KLHL1: variants seen among roughly 807,000 people sequenced by gnomAD.
KLHL1 encodes kelch-like protein 1.
KLHL1 carries 47 observed loss-of-function variants against 77.7 expected under a neutral mutation model. The observed-to-expected ratio is 0.60, with a 90% CI of 0.48 to 0.77. The LOEUF (loss-of-function observed/expected upper bound fraction) is 0.77, where lower values mean the gene tolerates loss of function less well. KLHL1 is among the 30% of genes least tolerant of loss of function. The pLI is 0.00. For synonymous variants in KLHL1, 360 were observed against 325.2 expected (o/e 1.11, Z -1.15); for missense variants, 925 against 910.8 (o/e 1.02, Z -0.20).
At chr13:69,962,486 T>C (rs1884094320) in intron 2 of KLHL1, among the ~76,000 whole-genome samples, 1 of 152,084 alleles carries the variant, frequency 6.6e-6, no homozygotes, top group South Asian at 2.1e-4. Flanking sequence ...ACAGTTCCTC[T>C]GTCACAGAGG....
At chr13:69,955,084 C>T (rs1883826691) in intron 3 of KLHL1, among the ~76,000 whole-genome samples, 1 of 150,916 alleles carries the variant, frequency 6.6e-6, no homozygotes, top group South Asian at 2.1e-4. Context: ...TAGTAAAAGC[C>T]TTAAGTTTAA....
chr13:69,797,534 A>C (rs943360058), intron 6 of KLHL1, among the ~76,000 whole-genome samples: 8 of 152,210 alleles, frequency 5.3e-5, no homozygotes, highest in African/African-American at 1.7e-4. Context: ...GGAAGAGCTT[A>C]GGCCAGGCGC....
intron 1 of KLHL1, among the ~76,000 whole-genome samples, chr13:70,009,672 C>T (rs1885484514): frequency 6.6e-6 from 1 of 152,088 alleles, no homozygotes; most frequent in Admixed American, 6.6e-5. Flanking sequence ...CAACCTGTCT[C>T]CATGTGAGCT....
intron 4 of KLHL1, among the ~76,000 whole-genome samples, chr13:69,930,709 TAGTA>T (rs1402220824): frequency 1.3e-5 from 2 of 151,700 alleles, no homozygotes; most frequent in African/African-American, 4.8e-5. Flanking sequence ...ATGTGAAAGT[TAGTA>T]GGATAATGAT....
intron 6 of KLHL1, among the ~76,000 whole-genome samples, chr13:69,818,605 A>T (rs1385902807): frequency 6.6e-6 from 1 of 152,098 alleles, no homozygotes; most frequent in East Asian, 1.9e-4. Flanking sequence ...TTGGGGAAGT[A>T]TGGTTCTCCT....
intron 4 of KLHL1, among the ~76,000 whole-genome samples, chr13:69,922,829 G>T (rs146628512): frequency 8.0e-4 from 122 of 152,058 alleles, no homozygotes; most frequent in African/African-American, 2.9e-3. Context: ...TAGTTAAAAA[G>T]GTCTATTCCT....
At chr13:69,757,729 A>G (rs1449586993) in intron 7 of KLHL1, among the ~76,000 whole-genome samples, 2 of 152,132 alleles carry the variant, frequency 1.3e-5, no homozygotes, top group African/African-American at 4.8e-5. Flanking sequence ...AGGCCAGAGG[A>G]TCACCTGAGG....
chr13:70,104,694 T>C (rs1027380656), intron 1 of KLHL1, among the ~76,000 whole-genome samples: 1 of 152,136 alleles, frequency 6.6e-6, no homozygotes, highest in Non-Finnish European at 1.5e-5. Context: ...GGTGATATGA[T>C]AATGACCTAA....
chr13:69,783,738 C>A (rs1437785114), intron 7 of KLHL1, among the ~76,000 whole-genome samples: 1 of 130,746 alleles, frequency 7.6e-6, no homozygotes, highest in Non-Finnish European at 1.7e-5. Context: ...ACAATGGAAC[C>A]AAGTTGGAAA....
intron 7 of KLHL1, among the ~76,000 whole-genome samples, chr13:69,756,849 T>C (rs969982580): frequency 6.6e-6 from 1 of 152,162 alleles, no homozygotes; most frequent in Non-Finnish European, 1.5e-5. Flanking sequence ...AGTTAGTTAA[T>C]AAACCCCCTT....
intron 1 of KLHL1, among the ~76,000 whole-genome samples, chr13:70,080,027 G>T (rs914953185): frequency 6.6e-6 from 1 of 152,206 alleles, no homozygotes; most frequent in Non-Finnish European, 1.5e-5. Flanking sequence ...GGTAAAAGAA[G>T]GGATTTGTGG....
At chr13:69,983,464 G>T (rs983518806) in intron 1 of KLHL1, among the ~76,000 whole-genome samples, 2 of 151,654 alleles carry the variant, frequency 1.3e-5, no homozygotes, top group South Asian at 2.1e-4. Flanking sequence ...TACTGTGCTC[G>T]GTGCGGTGGT....
chr13:70,041,088 T>C (rs1387656415), intron 1 of KLHL1, among the ~76,000 whole-genome samples: 2 of 152,192 alleles, frequency 1.3e-5, no homozygotes, highest in Non-Finnish European at 2.9e-5. Flanking sequence ...TAATTTCTCT[T>C]TGGTTCTTCA....
intron 2 of KLHL1, among the ~76,000 whole-genome samples, chr13:69,971,728 T>C (rs750125917): frequency 6.6e-5 from 10 of 152,074 alleles, no homozygotes; most frequent in Non-Finnish European, 1.2e-4. Flanking sequence ...TATTTGCAAC[T>C]ATAATAATTT....
At chr13:70,042,103 G>C (rs897219750) in intron 1 of KLHL1, among the ~76,000 whole-genome samples, 2 of 151,910 alleles carry the variant, frequency 1.3e-5, no homozygotes, top group African/African-American at 4.8e-5. Flanking sequence ...ACTTCTTGTT[G>C]GCATTTCTAT....
At chr13:69,973,688 C>G (rs985035335) in intron 2 of KLHL1, among the ~76,000 whole-genome samples, 2 of 151,948 alleles carry the variant, frequency 1.3e-5, no homozygotes, top group Admixed American at 6.6e-5. Context: ...AAAGTAGTAT[C>G]AAATACCTGC....
chr13:69,909,255 A>G (rs1190793707), intron 4 of KLHL1, among the ~76,000 whole-genome samples: 2 of 151,894 alleles, frequency 1.3e-5, no homozygotes, highest in African/African-American at 4.8e-5. Flanking sequence ...CCTCTACTTT[A>G]TGGCAAAGCT....
chr13:69,754,669 C>G (rs79615662), intron 7 of KLHL1, among the ~76,000 whole-genome samples: 206 of 152,272 alleles, frequency 1.4e-3, no homozygotes, highest in African/African-American at 4.7e-3. Flanking sequence ...AAAAAATCAT[C>G]CTAATACAAA....
intron 7 of KLHL1, among the ~76,000 whole-genome samples, chr13:69,748,576 G>T (rs1241428948): frequency 6.6e-6 from 1 of 151,896 alleles, no homozygotes; most frequent in Non-Finnish European, 1.5e-5. Flanking sequence ...TGAGATTTGG[G>T]TGGGGTCACA....
Sources: allele counts gnomAD v4.1 joint callset (sites outside exome capture counted in the v4.1 genomes callset), GRCh38; gene constraint gnomAD v4.1.1; transcripts MANE v1.5; gene names NCBI Gene and HGNC (gene_info 2026-07-23, HGNC 2026-07-21).